AFF3: variants seen among roughly 807,000 people sequenced by gnomAD.
The protein encoded by AFF3 is ALF transcription elongation factor 3, also known as AF4/FMR2 family member 3.
In AFF3, 32 loss-of-function variants were observed where a neutral mutation model predicts 129.7. The observed-to-expected ratio is 0.25, with a 90% CI of 0.19 to 0.33. AFF3 has a LOEUF of 0.33. Among genes scored for constraint, AFF3 ranks in the 10% least tolerant of loss-of-function variants. AFF3 has a pLI of 1.00. For missense variants in AFF3, 1,373 were observed against 1,592.0 expected, an observed-to-expected ratio of 0.86 and a Z score of 2.34; for synonymous variants, 644 against 635.4, an observed-to-expected ratio of 1.01 and a Z score of -0.20.
chr2:99,988,763 G>C (rs1004178970), intron 7 of AFF3, among the ~76,000 whole-genome samples: 1 of 147,150 alleles, frequency 6.8e-6, no homozygotes, highest in Non-Finnish European at 1.5e-5. Flanking sequence ...AGAACACATG[G>C]GGGACACTGA....
intron 15 of AFF3, among the ~76,000 whole-genome samples, chr2:99,590,402 C>G (rs1186577288): frequency 1.3e-5 from 2 of 152,174 alleles, no homozygotes; most frequent in Non-Finnish European, 2.9e-5. Context: ...TTTGCAGCAT[C>G]ACAAATTCAA....
intron 8 of AFF3, among the ~76,000 whole-genome samples, chr2:99,784,535 A>C (rs908401972): frequency 6.6e-6 from 1 of 152,242 alleles, no homozygotes; most frequent in Non-Finnish European, 1.5e-5. Context: ...AAAAGTGCAC[A>C]GCTCAGTAAA....
At chr2:99,726,317 C>T (rs1304552813) in intron 11 of AFF3, among the ~76,000 whole-genome samples, 1 of 152,052 alleles carries the variant, frequency 6.6e-6, no homozygotes, top group Non-Finnish European at 1.5e-5. Context: ...ATCCTGATCC[C>T]CATACAGATA....
chr2:99,719,455 G>T (rs1421324434), intron 11 of AFF3, among the ~76,000 whole-genome samples: 3 of 151,988 alleles, frequency 2.0e-5, no homozygotes, highest in African/African-American at 7.3e-5. Flanking sequence ...TTGGTATCAG[G>T]GTTGTACTGA....
chr2:99,603,526 C>T (rs766046075), intron 13 of AFF3, among the ~76,000 whole-genome samples: 2 of 152,038 alleles, frequency 1.3e-5, no homozygotes, highest in Non-Finnish European at 2.9e-5. Flanking sequence ...ACTATAAAAC[C>T]CTTGGAAGAC....
chr2:99,648,230 A>T (rs755189384), intron 13 of AFF3, among the ~76,000 whole-genome samples: 3 of 152,216 alleles, frequency 2.0e-5, no homozygotes, highest in Non-Finnish European at 4.4e-5. Flanking sequence ...TTGTGCAACC[A>T]TCACCATAAT....
chr2:99,757,296 C>T (rs1051762513), intron 8 of AFF3, among the ~76,000 whole-genome samples: 3 of 152,174 alleles, frequency 2.0e-5, no homozygotes, highest in Non-Finnish European at 4.4e-5. Context: ...GATTCAAACT[C>T]ACCATGTTTA....
At chr2:99,658,368 A>C (rs1310916244) in intron 12 of AFF3, among the ~76,000 whole-genome samples, 1 of 152,064 alleles carries the variant, frequency 6.6e-6, no homozygotes, top group Non-Finnish European at 1.5e-5. Flanking sequence ...GATGGCAAGA[A>C]GACCATGACC....
chr2:99,649,584 T>G lies in AFF3; in HGVS notation c.1184+42A>C. The G allele has an allele frequency of 1.9e-6, 3 of 1,597,632 alleles. No homozygotes were observed. In the African/African-American group the frequency reaches 4.0e-5, roughly 21 times the overall value. On this transcript the variant is annotated intron_variant, in intron 13 of 24. Transcript: ENST00000672756. The stretch of plus-strand genomic sequence containing the variant: ...TGCCACAATAAATAGGGCTCAATGT[T>G]TCATAAAGCAATTTATAGTTCATAA...
intron 2 of AFF3, 112 bp from the exon 3 acceptor site, chr2:100,105,695 C>G (rs1487876741): frequency 9.6e-6 from 13 of 1,355,944 alleles, no homozygotes; most frequent in Non-Finnish European, 1.2e-5. Context: ...CTGAGAAGCG[C>G]ATGTCTCCAT....
chr2:99,962,035 C>G (rs936710710), intron 7 of AFF3, among the ~76,000 whole-genome samples: 1 of 152,166 alleles, frequency 6.6e-6, no homozygotes, highest in Non-Finnish European at 1.5e-5. Context: ...TACCAGGCCT[C>G]AGAAACATGA....
At position 99,617,510 on chromosome 2, in the gene AFF3, T is replaced by C. The variant is rs373725245; in HGVS notation, c.1185-15889A>G. Among the ~76,000 whole-genome samples the C allele has an allele frequency of 6.0e-4, 92 of 152,346 alleles. 1 individual carries two copies. The highest frequency in any genetic ancestry group is 1.8e-3 in the African/African-American group (76 of 41,576). On this transcript the variant is annotated intron_variant, in intron 13 of 24. Coordinates refer to ENST00000672756, the MANE Select transcript of AFF3 (RefSeq NM_001386135.1). Reference sequence around the variant, plus strand: ...CTTTTAAAAACTTATAATTGAGTTATATTAATTTTCTATATATTCTGGATA... The same window carrying C: ...CTTTTAAAAACTTATAATTGAGTTACATTAATTTTCTATATATTCTGGATA...
At chr2:99,876,719 T>C (rs778532453) in intron 7 of AFF3, among the ~76,000 whole-genome samples, 1 of 152,180 alleles carries the variant, frequency 6.6e-6, no homozygotes, top group African/African-American at 2.4e-5. Context: ...CTATACGATC[T>C]AGTGCCTCCG....
intron 7 of AFF3, among the ~76,000 whole-genome samples, chr2:99,933,680 C>CT (rs1470316641): frequency 6.6e-6 from 1 of 152,032 alleles, no homozygotes; most frequent in East Asian, 1.9e-4. Flanking sequence ...TGAACTCATC[C>CT]TTTTTTATGG....
At chr2:99,710,785 C>A (rs1055200500) in intron 11 of AFF3, among the ~76,000 whole-genome samples, 6 of 152,136 alleles carry the variant, frequency 3.9e-5, no homozygotes, top group Non-Finnish European at 7.3e-5. Flanking sequence ...GAATTCTCTG[C>A]GGTAGAACCT....
At chr2:100,063,602 G>C (rs1341353094) in intron 4 of AFF3, among the ~76,000 whole-genome samples, 3 of 151,980 alleles carry the variant, frequency 2.0e-5, no homozygotes, top group Non-Finnish European at 2.9e-5. Context: ...GTAAGACAAG[G>C]AAATGAAAAA....
chr2:100,092,863 G>C (rs1689971168), intron 4 of AFF3, among the ~76,000 whole-genome samples: 1 of 151,138 alleles, frequency 6.6e-6, no homozygotes. Flanking sequence ...CAGGATTTGG[G>C]GCAGGTAAAA....
intron 10 of AFF3, among the ~76,000 whole-genome samples, chr2:99,738,892 G>A (rs1196474937): frequency 6.6e-6 from 1 of 151,956 alleles, no homozygotes; most frequent in Non-Finnish European, 1.5e-5. Flanking sequence ...TATTTCCCTT[G>A]AGAAATAGTT....
intron 7 of AFF3, among the ~76,000 whole-genome samples, chr2:99,856,474 C>T (rs1472443380): frequency 1.3e-5 from 2 of 152,178 alleles, no homozygotes; most frequent in African/African-American, 4.8e-5. Flanking sequence ...TTTTATTACA[C>T]ATAATTATGC....
Sources: allele counts gnomAD v4.1 joint callset (sites outside exome capture counted in the v4.1 genomes callset), GRCh38; gene constraint gnomAD v4.1.1; transcripts MANE v1.5; gene names NCBI Gene and HGNC (gene_info 2026-07-23, HGNC 2026-07-21).